Variants in SLC36A2 observed in about 807,000 individuals in gnomAD.
SLC36A2 encodes the protein proton-coupled amino acid transporter 2.
In SLC36A2, 39 loss-of-function variants were observed where a neutral mutation model predicts 42.7. The observed-to-expected ratio is 0.91, with a 90% CI of 0.71 to 1.19. The LOEUF is 1.19. Ranked by LOEUF, SLC36A2 falls within the 50% of genes most tolerant of loss-of-function variation. SLC36A2 has a pLI of 0.00. For missense variants in SLC36A2, 590 were observed against 613.7 expected, an observed-to-expected ratio of 0.96 and a Z score of 0.41; for synonymous variants, 237 against 240.8, an observed-to-expected ratio of 0.98 and a Z score of 0.15.
chr5:151,334,280 C>T (rs114994446), intron 6 of SLC36A2, among the ~76,000 whole-genome samples: 174 of 152,242 alleles, frequency 1.1e-3, no homozygotes, highest in African/African-American at 3.7e-3. Flanking sequence ...CTAAATTTCA[C>T]GGACAATGTA....
intron 9 of SLC36A2, chr5:151,319,379 G>A (rs12332395): frequency 0.082 from 12,480 of 152,886 alleles, 790 homozygotes; most frequent in African/African-American, 0.17. Context: ...AGTGTCGAAT[G>A]AATGCTGTGG....
intron 2 of SLC36A2, 32 bp from the exon 3 acceptor site, chr5:151,343,630 G>T (rs1447217214): frequency 1.9e-6 from 3 of 1,583,388 alleles, no homozygotes; most frequent in Non-Finnish European, 2.6e-6. Flanking sequence ...GGCGAGGGAG[G>T]AGAGAAGAGA....
chr5:151,332,323 T>A (rs1756021981), intron 7 of SLC36A2: 1 of 426,568 alleles, frequency 2.3e-6, no homozygotes, highest in Non-Finnish European at 4.7e-6. Context: ...AACAGCCTAA[T>A]TAAAAATAAG....
Position 151,325,373 on chromosome 5 carries a change from G to A in SLC36A2, c.923C>T (p.Ser308Phe). Residue 308 changes from serine to phenylalanine, a missense_variant, in exon 8 of 10, where the codon TCC becomes TTC. Ser to Phe is a radical substitution (Grantham distance 155). Coordinates refer to ENST00000335244, the MANE Select transcript of SLC36A2 (RefSeq NM_181776.3). ...ILSLGMSIVT[S>F]LYIGMAALGY... ...CAGAGCCGCCATGCCAATGTATAGG[G>A]AAGTGACGATGGACATTCCCAAAGA... The A allele has an allele frequency of 6.2e-7, 1 of 1,614,166 alleles. No individual in the cohort carries two copies. Among genetic ancestry groups the A allele is most frequent in the Non-Finnish European group, 8.5e-7 (1 of 1,179,996 alleles).
In SLC36A2 at chr5:151,347,389, A is replaced by C. The variant is rs752585937; in HGVS notation, c.72T>G (p.Pro24=). ...TGTTCTCCAACTTCTTGGCACTTTC[A>C]GGAGGCGACATAAGGTCCAATTTGA... ...VAIKLDLMSP[P]ESAKKLENKD... is the part of the protein sequence containing the mutation. The change falls in exon 1 of 10, where the codon CCT becomes CCG. Residue 24 remains proline (P), a synonymous_variant. Transcript: ENST00000335244. The C allele has an allele frequency of 2.5e-6, 4 of 1,614,236 alleles. No individual in the cohort carries two copies. In the South Asian group the frequency reaches 4.4e-5, roughly 18 times the overall value.
chr5:151,316,865 C>G lies in SLC36A2; in HGVS notation c.1404G>C (p.Lys468Asn). Residue 468 changes from lysine to asparagine, a missense_variant, in exon 10 of 10, where the codon AAG becomes AAC. Transcript: ENST00000335244. Reference protein sequence around the residue: ...GTYQALDELLKSEDSHPFSNS... With the variant: ...GTYQALDELLNSEDSHPFSNS... Reference sequence around the variant, plus strand: ...TGGAAAAGGGGTGAGAGTCTTCTGACTTGAGCAGCTCGTCCAGGGCCTGGT... The same window carrying G: ...TGGAAAAGGGGTGAGAGTCTTCTGAGTTGAGCAGCTCGTCCAGGGCCTGGT... The G allele has an allele frequency of 6.2e-7, 1 of 1,613,578 alleles. No individual in the cohort carries two copies. Among genetic ancestry groups the G allele is most frequent in the South Asian group, 1.1e-5 (1 of 91,058 alleles).
At chr5:151,344,310 T>G in intron 1 of SLC36A2, 43 bp from the exon 2 acceptor site, 1 of 1,533,530 alleles carries the variant, frequency 6.5e-7, no homozygotes, top group Non-Finnish European at 9.0e-7. Flanking sequence ...TGTGTGGAGG[T>G]GAGAAGATCC....
chr5:151,346,176 C>T (rs941012446), intron 1 of SLC36A2, among the ~76,000 whole-genome samples: 2 of 152,212 alleles, frequency 1.3e-5, no homozygotes, highest in Non-Finnish European at 1.5e-5. Context: ...CAGGTGGTTC[C>T]CTCAAGGCCT....
intron 9 of SLC36A2, among the ~76,000 whole-genome samples, chr5:151,317,480 T>TA (rs1388038021): frequency 6.6e-6 from 1 of 151,624 alleles, no homozygotes; most frequent in African/African-American, 2.4e-5. Flanking sequence ...ATCCTCTTCT[T>TA]AAAAAATGAA....
At chr5:151,318,596 AT>A (rs1462734847) in intron 9 of SLC36A2, among the ~76,000 whole-genome samples, 1 of 146,450 alleles carries the variant, frequency 6.8e-6, no homozygotes, top group Non-Finnish European at 1.5e-5. Context: ...ATATATAAAA[AT>A]ATAATAAATA....
chr5:151,338,612 G>T (rs1756224435), intron 5 of SLC36A2: 1 of 165,170 alleles, frequency 6.1e-6, no homozygotes, highest in Non-Finnish European at 1.3e-5. Context: ...GGAGTTTGAG[G>T]CTGCAGTGAG....
chr5:151,320,695 A>G (rs142605249), intron 9 of SLC36A2, among the ~76,000 whole-genome samples: 2 of 152,348 alleles, frequency 1.3e-5, no homozygotes, highest in East Asian at 3.9e-4. Flanking sequence ...CCAGGGGTCA[A>G]GGAGCCCCAG....
chr5:151,317,101 G>C lies in SLC36A2; in HGVS notation c.1181-13C>G. The C allele has an allele frequency of 6.2e-7, 1 of 1,613,552 alleles. No individual in the cohort carries two copies. On this transcript the variant is annotated splice_polypyrimidine_tract_variant and intron_variant, in intron 9 of 9. Transcript: ENST00000335244. ...ATGGCCAGGAGGCCTGCAGGGAGAG[G>C]ATAGTGGAGAGATGGAGCATTCCAG...
chr5:151,329,865 A>G (rs1323041726), intron 7 of SLC36A2, among the ~76,000 whole-genome samples: 4 of 152,326 alleles, frequency 2.6e-5, no homozygotes, highest in Admixed American at 2.0e-4. Context: ...AAATAGGTGG[A>G]TATTTTCAAC....
At chr5:151,319,040 C>A (rs548892961) in intron 9 of SLC36A2, 1 of 455,712 alleles carries the variant, frequency 2.2e-6, no homozygotes, top group African/African-American at 2.1e-5. Context: ...CCAAGTCCCA[C>A]CCCTTCCTCA....
At chr5:151,344,146 A>G (rs768121862) in intron 2 of SLC36A2, 31 bp downstream of exon 2, 4 of 1,604,264 alleles carry the variant, frequency 2.5e-6, no homozygotes, top group Non-Finnish European at 3.4e-6. Context: ...GCAACTGACC[A>G]TAAAGCCCCC....
At chr5:151,331,299 C>A (rs1755989621) in intron 7 of SLC36A2, among the ~76,000 whole-genome samples, 1 of 151,924 alleles carries the variant, frequency 6.6e-6, no homozygotes, top group Admixed American at 6.6e-5. Context: ...TTCTTTCTTT[C>A]TTTTTTTCTG....
Position 151,322,167 on chromosome 5 carries a change from G to C in SLC36A2, c.1059C>G (p.Thr353=). ...KLLYIAGILC[T]YALQFYVPAE... is the part of the protein sequence containing the mutation. ...CAGGGACGTAGAACTGCAGGGCATA[G>C]GTGCACAGGATGCCGGCAATGTAGA... The change falls in exon 9 of 10, where the codon ACC becomes ACG. Residue 353 remains threonine (T), a synonymous_variant. Coordinates refer to ENST00000335244, the MANE Select transcript of SLC36A2 (RefSeq NM_181776.3). 1 of 1,614,184 alleles carries C rather than the reference G, an allele frequency of 6.2e-7. No homozygotes were observed. The highest frequency in any genetic ancestry group is 1.7e-5 in the Admixed American group (1 of 60,022).
In SLC36A2 at chr5:151,325,391, C is replaced by T. The variant is rs577271191; in HGVS notation, c.905G>A (p.Gly302Glu). 1 of 1,614,174 alleles carries T rather than the reference C, an allele frequency of 6.2e-7. No homozygotes were observed. The highest frequency in any genetic ancestry group is 1.1e-5 in the South Asian group (1 of 91,082). ...GTATAGGGAAGTGACGATGGACATT[C>T]CCAAAGACAGGATGGCTGGGAAGTG... ...ARHFPAILSL[G>E]MSIVTSLYIG... Residue 302 changes from glycine to glutamate, a missense_variant, in exon 8 of 10, where the codon GGA (glycine) becomes GAA (glutamate). By Grantham distance (98) the Gly-to-Glu change is moderately conservative. Transcript: ENST00000335244.
Sources: gnomAD v4.1 joint callset for allele counts (sites outside exome capture counted in the v4.1 genomes callset) on GRCh38, gnomAD v4.1.1 for gene constraint, MANE v1.5 for transcripts, NCBI Gene and HGNC (gene_info 2026-07-23, HGNC 2026-07-21) for gene names.